Variants in SERINC5 observed in about 807,000 individuals in gnomAD.
The protein encoded by SERINC5 is chromosome 5 open reading frame 12.
SERINC5 carries 41 observed loss-of-function variants against 63.1 expected under a neutral mutation model. That is an observed-to-expected ratio of 0.65 (90% CI 0.51 to 0.84). The LOEUF is 0.84. SERINC5 is among the 40% of genes least tolerant of loss of function. SERINC5 has a pLI of 0.00. For synonymous variants in SERINC5, 222 were observed against 215.2 expected (o/e 1.03, Z -0.28); for missense variants, 523 against 573.0 (o/e 0.91, Z 0.89).
At chr5:80,132,898 G>A (rs1745004477) in intron 11 of SERINC5, among the ~76,000 whole-genome samples, 1 of 152,182 alleles carries the variant, frequency 6.6e-6, no homozygotes, top group African/African-American at 2.4e-5. Context: ...GTAACACATA[G>A]AAGACTGAAG....
At chr5:80,214,559 A>G (rs200289030) in intron 1 of SERINC5, among the ~76,000 whole-genome samples, 1 of 89,090 alleles carries the variant, frequency 1.1e-5, no homozygotes, top group African/African-American at 4.0e-5. Context: ...CATTAAAAAA[A>G]CAAAAAAAAA....
At chr5:80,148,151 C>T (rs1293259933) in intron 9 of SERINC5, among the ~76,000 whole-genome samples, 1 of 150,934 alleles carries the variant, frequency 6.6e-6, no homozygotes, top group Non-Finnish European at 1.5e-5. Flanking sequence ...GGAATGCTTG[C>T]CTTTGAAGCA....
intron 2 of SERINC5, among the ~76,000 whole-genome samples, chr5:80,178,470 T>C (rs1262484437): frequency 4.1e-5 from 6 of 147,666 alleles, no homozygotes; most frequent in Admixed American, 2.1e-4. Context: ...TCAGGTAATC[T>C]TCCTGCCTCA....
At chr5:80,224,138 AAAAAAAAAAAAG>A (rs1037379456) in intron 1 of SERINC5, among the ~76,000 whole-genome samples, 3 of 150,010 alleles carry the variant, frequency 2.0e-5, no homozygotes, top group Middle Eastern at 3.4e-3. Flanking sequence ...CGTCTCAAAA[AAAAAAAAAAAAG>A]AAAAAAGAAA....
chr5:80,175,883 AAAG>A (rs1467610580), intron 4 of SERINC5, among the ~76,000 whole-genome samples: 8,915 of 135,652 alleles, frequency 0.066, 1,628 homozygotes, highest in African/African-American at 0.29. Context: ...AAAAAAAAAA[AAAG>A]GACTGAGCTT....
chr5:80,141,362 C>T lies in SERINC5; in HGVS notation c.*2301G>A. 1.0e-6 allele frequency: 1 copy of T among 985,436 alleles called. No individual in the cohort carries two copies. The highest frequency in any genetic ancestry group is 1.2e-6 in the Non-Finnish European group (1 of 829,940). 61.0% of individuals were successfully genotyped at this position (985,436 alleles called of 1,614,324 possible). A position where few individuals can be genotyped will look rare whatever the true frequency, so the allele number is the denominator to read the frequency against. ...GCCTTCTACCGGCCACACTCCCTTG[C>T]TTGGGCTTCCCTAAGCTGCTTTCTG... On this transcript the variant is annotated 3_prime_UTR_variant, in exon 12 of 12. Transcript: ENST00000507668.
downstream of SERINC5, among the ~76,000 whole-genome samples, chr5:80,133,725 TAAAG>T (rs1202133302): frequency 6.6e-6 from 1 of 152,198 alleles, no homozygotes; most frequent in Admixed American, 6.5e-5. Flanking sequence ...GGAATTACAA[TAAAG>T]AGTTTAATCC....
chr5:80,204,544 C>T (rs1407294566), intron 1 of SERINC5, among the ~76,000 whole-genome samples: 1 of 152,176 alleles, frequency 6.6e-6, no homozygotes, highest in African/African-American at 2.4e-5. Flanking sequence ...ACAAAGCTTT[C>T]ATCGGAATTG....
intron 2 of SERINC5, among the ~76,000 whole-genome samples, chr5:80,190,028 C>G (rs139942195): frequency 3.3e-5 from 5 of 150,820 alleles, no homozygotes; most frequent in African/African-American, 1.2e-4. Context: ...AGCTTGCTTT[C>G]TTCTTAAATG....
At chr5:80,178,208 G>A (rs1254346533) in intron 2 of SERINC5, 144 bp from the exon 3 acceptor site, 5 of 511,916 alleles carry the variant, frequency 9.8e-6, no homozygotes, top group Admixed American at 7.4e-5. Flanking sequence ...ATCTTCTAAA[G>A]AGATATTTTT....
intron 1 of SERINC5, among the ~76,000 whole-genome samples, chr5:80,206,089 T>A (rs1429582645): frequency 6.7e-6 from 1 of 150,224 alleles, no homozygotes; most frequent in Non-Finnish European, 1.5e-5. Context: ...CAGAAAGGAG[T>A]CCCTGTTAAG....
intron 1 of SERINC5, among the ~76,000 whole-genome samples, chr5:80,204,519 C>G (rs1034397115): frequency 3.3e-5 from 5 of 152,180 alleles, no homozygotes; most frequent in African/African-American, 1.2e-4. Flanking sequence ...CATGCAGGAA[C>G]AGTTCGGTGT....
intron 7 of SERINC5, among the ~76,000 whole-genome samples, chr5:80,165,222 T>G (rs149034551): frequency 6.6e-6 from 1 of 151,242 alleles, no homozygotes; most frequent in Non-Finnish European, 1.5e-5. Context: ...TAAATCCAGG[T>G]TAGGCAATAG....
chr5:80,255,772 G>A (rs1752645606), intron 1 of SERINC5, 124 bp downstream of exon 1: 1 of 994,982 alleles, frequency 1.0e-6, no homozygotes. Context: ...CAGCCCGAGC[G>A]ACCCACCCGG....
chr5:80,149,451 C>T (rs1373647244), intron 9 of SERINC5, among the ~76,000 whole-genome samples: 1 of 152,184 alleles, frequency 6.6e-6, no homozygotes, highest in Admixed American at 6.5e-5. Context: ...CAACCCCAGA[C>T]ACCCAGCTGC....
At chr5:80,184,492 G>C (rs561348622) in intron 2 of SERINC5, among the ~76,000 whole-genome samples, 2 of 152,208 alleles carry the variant, frequency 1.3e-5, no homozygotes, top group East Asian at 3.9e-4. Context: ...ATGCGGCCAG[G>C]GCCCTTTAAG....
intron 1 of SERINC5, among the ~76,000 whole-genome samples, chr5:80,207,535 T>C (rs935521264): frequency 4.2e-4 from 64 of 152,192 alleles, no homozygotes; most frequent in Admixed American, 3.7e-3. Flanking sequence ...AGGGACATGA[T>C]TGTGGAAAAT....
intron 12 of SERINC5, among the ~76,000 whole-genome samples, chr5:80,112,416 A>T (rs575790923): frequency 6.6e-6 from 1 of 151,922 alleles, no homozygotes; most frequent in Non-Finnish European, 1.5e-5. Flanking sequence ...CCTTCTCCCC[A>T]CTATCACCCT....
chr5:80,161,678 C>A (rs1287967982), intron 7 of SERINC5, among the ~76,000 whole-genome samples: 1 of 152,098 alleles, frequency 6.6e-6, no homozygotes, highest in African/African-American at 2.4e-5. Context: ...TTGATTATTT[C>A]TTTTGCTGTA....
Sources: gnomAD v4.1 joint callset for allele counts (sites outside exome capture counted in the v4.1 genomes callset) on GRCh38, gnomAD v4.1.1 for gene constraint, MANE v1.5 for transcripts, NCBI Gene and HGNC (gene_info 2026-07-23, HGNC 2026-07-21) for gene names.